PLCE1: variants seen among roughly 807,000 people sequenced by gnomAD.
PLCE1 encodes the protein phospholipase C epsilon 1.
Under a neutral mutation model 242.8 loss-of-function variants are expected in PLCE1, and 119 were observed. That is an observed-to-expected ratio of 0.49 (90% CI 0.42 to 0.57). The LOEUF (loss-of-function observed/expected upper bound fraction) is 0.57, where lower values mean the gene tolerates loss of function less well. Among genes scored for constraint, PLCE1 ranks in the 20% least tolerant of loss-of-function variants. The pLI, the probability that PLCE1 is intolerant of heterozygous loss-of-function variation, is 0.00. For synonymous variants in PLCE1, 945 were observed against 1,017.4 expected (o/e 0.93, Z 1.35); for missense variants, 2,441 against 2,788.8 (o/e 0.88, Z 2.81).
At chr10:94,290,336 CT>C (rs556879135) in intron 22 of PLCE1, among the ~76,000 whole-genome samples, 3,261 of 144,340 alleles carry the variant, frequency 0.023, 28 homozygotes, top group South Asian at 0.043. Context: ...TATTTTTCTC[CT>C]TTTTTTTTTT....
In PLCE1 at chr10:94,246,112, C is replaced by T. The variant is rs1274712375; in HGVS notation, c.2587C>T (p.Gln863Ter). Residue 863 changes from glutamine (Q) to a stop codon, truncating the protein, a stop_gained, in exon 8 of 33, where the codon CAG becomes TAG. Coordinates refer to ENST00000371380, the MANE Select transcript of PLCE1 (RefSeq NM_016341.4). LOFTEE classifies it high-confidence loss of function. ...AGCCGATGTGCACCAGTTCCTGCTG[C>T]AGGGGGCCACGGTCATCCACTACGA... is the stretch of plus-strand genomic sequence containing the variant. Reference protein sequence around the residue: ...IQADVHQFLLQGATVIHYDQD... With the variant: ...IQADVHQFLL The T allele has an allele frequency of 4.3e-6, 7 of 1,614,164 alleles. No individual in the cohort carries two copies. Among genetic ancestry groups the T allele is most frequent in the Non-Finnish European group, 5.9e-6 (7 of 1,180,022 alleles).
At chr10:94,179,516 T>TTC (rs201649902) in intron 4 of PLCE1, among the ~76,000 whole-genome samples, 1 of 17,806 alleles carries the variant, frequency 5.6e-5, no homozygotes, top group African/African-American at 1.7e-4. Flanking sequence ...AGTTTAGTTT[T>TTC]TTTTTTTTTT....
chr10:94,108,345 C>G (rs1423302992), intron 2 of PLCE1: 3 of 152,232 alleles, frequency 2.0e-5, no homozygotes, highest in African/African-American at 7.2e-5. Context: ...TGTGCTGTCA[C>G]CGAGCTACTT....
At chr10:94,311,473 T>C (rs2053385474) in intron 27 of PLCE1, among the ~76,000 whole-genome samples, 1 of 152,236 alleles carries the variant, frequency 6.6e-6, no homozygotes, top group Non-Finnish European at 1.5e-5. Context: ...CTTGCCATCC[T>C]TGGGCTTCCT....
chr10:94,265,418 T>C (rs1257366335), intron 14 of PLCE1, among the ~76,000 whole-genome samples: 1 of 152,230 alleles, frequency 6.6e-6, no homozygotes, highest in Non-Finnish European at 1.5e-5. Context: ...CTCATTCTCT[T>C]CTTTTTTCTA....
intron 4 of PLCE1, among the ~76,000 whole-genome samples, chr10:94,201,191 T>C (rs947192597): frequency 1.3e-5 from 2 of 152,202 alleles, no homozygotes. Context: ...GAATTCTCTG[T>C]ACTATTCTTG....
intron 2 of PLCE1, among the ~76,000 whole-genome samples, chr10:94,032,765 G>A (rs558556126): frequency 2.0e-5 from 3 of 152,124 alleles, no homozygotes; most frequent in Non-Finnish European, 2.9e-5. Flanking sequence ...AGATGAAATA[G>A]AAATCATCAT....
At position 94,313,418 on chromosome 10, in the gene PLCE1, A is replaced by C. The variant is rs751424704; in HGVS notation, c.6132+36A>C. On this transcript the variant is annotated intron_variant, in intron 28 of 32. Coordinates refer to ENST00000371380, the MANE Select transcript of PLCE1 (RefSeq NM_016341.4). ...TGAGCCGTGGTTGGGAGAATCCAAA[A>C]TCTAAGATGTATGGATGTATGTGTG... 2.5e-6 allele frequency: 4 copies of C among 1,612,890 alleles called. No individual in the cohort carries two copies. In the Admixed American group the frequency reaches 6.7e-5, roughly 27 times the overall value.
At chr10:94,129,768 CA>C (rs35535795) in intron 2 of PLCE1, among the ~76,000 whole-genome samples, 35,179 of 152,100 alleles carry the variant, frequency 0.23, 5,150 homozygotes, top group Non-Finnish European at 0.31. Context: ...AAAACAAAAA[CA>C]AAACAAACAA....
intron 23 of PLCE1, among the ~76,000 whole-genome samples, chr10:94,295,583 A>T (rs2052784932): frequency 6.6e-6 from 1 of 152,026 alleles, no homozygotes; most frequent in Admixed American, 6.6e-5. Flanking sequence ...TGCTCTTTTG[A>T]CCTCCTCCCA....
At chr10:94,003,932 G>A (rs1369333312) in intron 1 of PLCE1, among the ~76,000 whole-genome samples, 1 of 152,148 alleles carries the variant, frequency 6.6e-6, no homozygotes, top group Admixed American at 6.5e-5. Flanking sequence ...TGGATCATGA[G>A]GTCAGGAGTT....
intron 4 of PLCE1, among the ~76,000 whole-genome samples, chr10:94,224,859 G>A (rs184011550): frequency 3.9e-5 from 6 of 152,306 alleles, no homozygotes; most frequent in Non-Finnish European, 1.5e-5. Flanking sequence ...TGTGAGCAAG[G>A]GGTTACTCAT....
intron 24 of PLCE1, among the ~76,000 whole-genome samples, chr10:94,301,088 T>C (rs2053019349): frequency 1.3e-5 from 2 of 151,882 alleles, no homozygotes; most frequent in African/African-American, 4.8e-5. Flanking sequence ...CTTATGCCTG[T>C]ATTCCCAGCA....
intron 29 of PLCE1, among the ~76,000 whole-genome samples, chr10:94,318,104 C>T (rs534517293): frequency 6.6e-6 from 1 of 152,304 alleles, no homozygotes; most frequent in South Asian, 2.1e-4. Context: ...GAGCCCAGAG[C>T]CACTGCCTTC....
chr10:94,198,645 G>A (rs993150731), intron 4 of PLCE1, among the ~76,000 whole-genome samples: 8 of 152,244 alleles, frequency 5.3e-5, no homozygotes, highest in African/African-American at 1.9e-4. Flanking sequence ...AAACCTCTGG[G>A]ATCTGATTTC....
At chr10:94,203,760 G>A (rs2136814910) in intron 4 of PLCE1, among the ~76,000 whole-genome samples, 1 of 152,332 alleles carries the variant, frequency 6.6e-6, no homozygotes, top group East Asian at 1.9e-4. Flanking sequence ...ATGATGAAGA[G>A]AAGAGCAAAC....
At chr10:94,120,738 C>A (rs1482155329) in intron 2 of PLCE1, 1 of 152,092 alleles carries the variant, frequency 6.6e-6, no homozygotes, top group African/African-American at 2.4e-5. Context: ...GGATCAAGAT[C>A]AAAAGGCAGT....
chr10:94,061,128 A>G lies in PLCE1; in HGVS notation c.1206+28876A>G, dbSNP rs11187782. Among the ~76,000 whole-genome samples the G allele has an allele frequency of 7.4e-3, 1,121 of 152,290 alleles. 10 individuals carry two copies. Among genetic ancestry groups the G allele is most frequent in the South Asian group, 0.016 (78 of 4,828 alleles). On this transcript the variant is annotated intron_variant, in intron 2 of 32. Coordinates refer to ENST00000371380, the MANE Select transcript of PLCE1 (RefSeq NM_016341.4). Reference sequence around the variant, plus strand: ...GGGGCAAGGGCACTGGATGCTCTGCATGTCAGGTTTCAAGCAAAACCTGCT... The same window carrying G: ...GGGGCAAGGGCACTGGATGCTCTGCGTGTCAGGTTTCAAGCAAAACCTGCT...
rs1007262567 is a variant in PLCE1 at position 94,318,050 on chromosome 10, T to A, written c.6342+1294T>A. ...GTTTTCACTTTCTAGTCACAGTGAG[T>A]GAATGTGACCTAAAGCCTCTACAGA... On this transcript the variant is annotated intron_variant, in intron 29 of 32. Transcript: ENST00000371380. Among the ~76,000 whole-genome samples, 3 of 152,080 alleles carry A rather than the reference T, an allele frequency of 2.0e-5. No individual in the cohort carries two copies. In the East Asian group the frequency reaches 5.8e-4, roughly 29 times the overall value.
Sources: gnomAD v4.1 joint callset for allele counts (sites outside exome capture counted in the v4.1 genomes callset) on GRCh38, gnomAD v4.1.1 for gene constraint, MANE v1.5 for transcripts, NCBI Gene and HGNC (gene_info 2026-07-23, HGNC 2026-07-21) for gene names.